PLXNB3: variants seen among roughly 807,000 people sequenced by gnomAD.
The protein encoded by PLXNB3 is plexin B3, also known as plexin-B3.
In PLXNB3, 80 loss-of-function variants were observed where a neutral mutation model predicts 125.7. The ratio of observed to expected loss-of-function variants is 0.64; its 90% CI spans 0.53 to 0.77. The LOEUF is 0.77. PLXNB3 is among the 30% of genes least tolerant of loss of function. PLXNB3 has a pLI of 0.00. For missense variants in PLXNB3, 1,836 were observed against 1,729.3 expected, an observed-to-expected ratio of 1.06 and a Z score of -1.09; for synonymous variants, 954 against 783.3, an observed-to-expected ratio of 1.22 and a Z score of -3.64.
At position 153,774,722 on chromosome X, in the gene PLXNB3, G is replaced by A. The variant is rs1557063384; in HGVS notation, c.3847G>A (p.Ala1283Thr). 2 of 1,174,847 alleles carry A rather than the reference G, an allele frequency of 1.7e-6. No homozygotes were observed. Among genetic ancestry groups the A allele is most frequent in the African/African-American group, 1.7e-5 (1 of 57,286 alleles). Reference protein sequence around the residue: ...TLMYRHKSKQALRDYQKVLVQ... With the variant: ...TLMYRHKSKQTLRDYQKVLVQ... ...GGGCTGCAGGCACAAGAGCAAGCAG[G>A]CCCTGCGGGACTACCAGAAGGTGCT... The change falls in exon 23 of 36, where the codon GCC becomes ACC. Residue 1283 changes from alanine to threonine, a missense_variant. Physicochemically the swap from Ala to Thr is moderately conservative, Grantham distance 58. Transcript: ENST00000361971.
Position 153,775,207 on chromosome X carries a change from C to T in PLXNB3, c.4156-18C>T. On this transcript the variant is annotated intron_variant, in intron 24 of 35. Transcript: ENST00000361971. ...GAGGAGTGGGGCTTCCCAGGATGAG[C>T]CTCCGACCCCTGCTCAGCTCATCCA... The T allele has an allele frequency of 8.6e-7, 1 of 1,158,986 alleles. No homozygotes were observed. The highest frequency in any genetic ancestry group is 1.2e-6 in the Non-Finnish European group (1 of 867,467).
Position 153,778,595 on chromosome X carries a change from C to A in PLXNB3, c.5551-5C>A. On this transcript the variant is annotated splice_region_variant and splice_polypyrimidine_tract_variant and intron_variant, in intron 34 of 35. Transcript: ENST00000361971. ...TCACTGCCCCCCTCCACGTGGTGCC[C>A]CCAGAACTACACTTCTGCTCCCCAC... The A allele has an allele frequency of 8.3e-7, 1 of 1,199,322 alleles. No individual in the cohort carries two copies. Among genetic ancestry groups the A allele is most frequent in the Non-Finnish European group, 1.1e-6 (1 of 887,709 alleles).
Position 153,776,106 on chromosome X carries a change from C to G in PLXNB3, c.4621C>G (p.Arg1541Gly). Residue 1541 changes from arginine to glycine, a missense_variant, in exon 27 of 36, where the codon CGG (arginine) becomes GGG (glycine). Transcript: ENST00000361971. The part of the protein sequence containing the change: ...GSSEMQRVPA[R>G]VLDTDTITQV... ...CAGCGAGATGCAGCGCGTGCCAGCC[C>G]GGGTGCTCGACACGGACACCATCAC... The G allele has an allele frequency of 8.3e-7, 1 of 1,201,725 alleles. No individual in the cohort carries two copies. The highest frequency in any genetic ancestry group is 1.1e-6 in the Non-Finnish European group (1 of 891,022).
At chrX:153,772,142 TCCCTGAG>T (rs2091938327) in intron 15 of PLXNB3, 33 bp from the exon 16 acceptor site, 43 of 881,430 alleles carry the variant, frequency 4.9e-5, no homozygotes, top group Non-Finnish European at 5.9e-5. Flanking sequence ...GTCCCCTCCG[TCCCTGAG>T]CCCTGAGCAG....
rs782496204 is a variant in PLXNB3 at position 153,769,845 on chromosome X, T to C, written c.1535T>C (p.Leu512Pro). ...RKGQCGRAGQ[L>P]NQWLWSYEED... ...GGCCAGTGCGGGCGGGCAGGCCAGC[T>C]GAACCAGTGGCTGTGGAGTTATGAG... Residue 512 changes from leucine (L) to proline (P), a missense_variant, in exon 7 of 36, where the codon CTG becomes CCG. Leu to Pro is a moderately conservative substitution (Grantham distance 98, BLOSUM62 -3). Transcript: ENST00000361971. 8.3e-7 allele frequency: 1 copy of C among 1,204,649 alleles called. No individual in the cohort carries two copies. Among genetic ancestry groups the C allele is most frequent in the African/African-American group, 1.7e-5 (1 of 57,405 alleles).
rs1557064865 is a variant in PLXNB3 at position 153,777,518 on chromosome X, T to C, written c.5101-10T>C. On this transcript the variant is annotated splice_polypyrimidine_tract_variant and intron_variant, in intron 30 of 35. Transcript: ENST00000361971. Reference sequence around the variant, plus strand: ...TGCCCTCCACACAGCCCTTATCCCCTGCCTCGCAGGGCACGCTGCAGAAGT... The same window carrying C: ...TGCCCTCCACACAGCCCTTATCCCCCGCCTCGCAGGGCACGCTGCAGAAGT... 1 of 1,210,656 alleles carries C rather than the reference T, an allele frequency of 8.3e-7. No individual in the cohort carries two copies. Among genetic ancestry groups the C allele is most frequent in the Non-Finnish European group, 1.1e-6 (1 of 894,852 alleles).
In PLXNB3 at chrX:153,778,405, GGA is replaced by G. The variant is rs782715388; in HGVS notation, c.5485_5486del (p.Asp1829HisfsTer18). ...YKQMVERYYA[D>X]IRQSSPASYQ... The stretch of plus-strand genomic sequence containing the variant: ...AAGTCTGCTCCTCCAGGTACTATGC[GGA>G]CATTCGCCAGAGCTCTCCGGCGAGC... On this transcript the variant is annotated frameshift_variant, in exon 34 of 36. Transcript: ENST00000361971. LOFTEE classifies it high-confidence loss of function. 2.5e-6 allele frequency: 3 copies of G among 1,211,496 alleles called. No homozygotes were observed. Among genetic ancestry groups the G allele is most frequent in the Non-Finnish European group, 3.4e-6 (3 of 895,419 alleles).
Position 153,771,609 on chromosome X carries a change from C to T in PLXNB3, c.2471C>T (p.Pro824Leu), listed in dbSNP as rs370781491. 1.2e-5 allele frequency: 14 copies of T among 1,204,360 alleles called. No homozygotes were observed. Among genetic ancestry groups the T allele is most frequent in the Admixed American group, 2.2e-5 (1 of 45,807 alleles). Residue 824 changes from proline (P) to leucine (L), a missense_variant, in exon 14 of 36, where the codon CCG becomes CTG. Coordinates refer to ENST00000361971, the MANE Select transcript of PLXNB3 (RefSeq NM_005393.3). ...QPACRYGPLC[P>L]PGAVELLCPA... ...GCCTGTCGCTATGGGCCCTTGTGCCCGCCGGGGGCTGTGGAGCTGCTGTGT... is the reference window on the plus strand; with the variant it reads ...GCCTGTCGCTATGGGCCCTTGTGCCTGCCGGGGGCTGTGGAGCTGCTGTGT...
rs2091974729 is a variant in PLXNB3, at chrX:153,775,419, G to C, written c.4334+16G>C. The C allele has an allele frequency of 1.7e-6, 2 of 1,199,686 alleles. No individual in the cohort carries two copies. Among genetic ancestry groups the C allele is most frequent in the African/African-American group, 3.5e-5 (2 of 57,491 alleles). ...TGCTACGCAGGTTGGCCTTGACCTG[G>C]ACCCGGTGGCGGGGGTGAGGGCTTG... On this transcript the variant is annotated intron_variant, in intron 25 of 35. Coordinates refer to ENST00000361971, the MANE Select transcript of PLXNB3 (RefSeq NM_005393.3).
intron 31 of PLXNB3, 106 bp downstream of exon 31, chrX:153,777,794 T>C: frequency 9.2e-7 from 1 of 1,083,224 alleles, no homozygotes; most frequent in Non-Finnish European, 1.2e-6. Context: ...TTCTGGAACT[T>C]ACAGGAAGAT....
In PLXNB3 at chrX:153,770,534, C is replaced by T. The variant is rs369359201; in HGVS notation, c.1902C>T (p.Arg634=). The change falls in exon 10 of 36, where the codon CGC becomes CGT. Residue 634 remains arginine, a synonymous_variant. Transcript: ENST00000361971. ...AGCCACCCTGCCCCTCTAGGTGTCG[C>T]GCTTGCGTGGGCAGCATCTGGCGGT... The part of the protein sequence containing the change: ...VQALEAAAPC[R]ACVGSIWRCH... The T allele has an allele frequency of 3.3e-6, 4 of 1,210,586 alleles. No homozygotes were observed. The highest frequency in any genetic ancestry group is 2.3e-4 in the Middle Eastern group (1 of 4,331).
In PLXNB3 at chrX:153,774,502, C is replaced by T. The variant is rs782718397; in HGVS notation, c.3761C>T (p.Ala1254Val). 7.5e-6 allele frequency: 9 copies of T among 1,207,719 alleles called. No individual in the cohort carries two copies. Among genetic ancestry groups the T allele is most frequent in the Non-Finnish European group, 1.0e-5 (9 of 893,811 alleles). ...EPPLSAFPVE[A>V]QAGVGMGAAV... Reference sequence around the variant, plus strand: ...CCGCTGTCTGCCTTTCCCGTGGAGGCCCAGGCAGGCGTGGGCATGGGTGCT... The same window carrying T: ...CCGCTGTCTGCCTTTCCCGTGGAGGTCCAGGCAGGCGTGGGCATGGGTGCT... The change falls in exon 22 of 36, where the codon GCC becomes GTC. Residue 1254 changes from alanine (A) to valine (V), a missense_variant. Physicochemically the swap from Ala to Val is moderately conservative, Grantham distance 64 (BLOSUM62 0). Coordinates refer to ENST00000361971, the MANE Select transcript of PLXNB3 (RefSeq NM_005393.3).
At chrX:153,771,170 C>A in intron 12 of PLXNB3, 89 bp downstream of exon 12, 1 of 936,488 alleles carries the variant, frequency 1.1e-6, no homozygotes, top group Non-Finnish European at 1.5e-6. Context: ...TGCTTGGGGC[C>A]CATAACCTCT....
Position 153,770,627 on chromosome X carries a change from C to G in PLXNB3, c.1995C>G (p.Ile665Met). The G allele has an allele frequency of 8.3e-7, 1 of 1,210,423 alleles. No individual in the cohort carries two copies. ...GEHCPEGERT[I>M]YSAQEVDIQV... ...ACTGCCCAGAGGGCGAGAGGACCAT[C>G]TACAGCGCCCAGGAGGTGGGTGGGC... The change falls in exon 10 of 36, where the codon ATC becomes ATG. Residue 665 changes from isoleucine to methionine, a missense_variant. Physicochemically the swap from Ile to Met is conservative, Grantham distance 10. Coordinates refer to ENST00000361971, the MANE Select transcript of PLXNB3 (RefSeq NM_005393.3).
chrX:153,767,971 T>C, intron 3 of PLXNB3, 58 bp downstream of exon 3: 1 of 1,043,214 alleles, frequency 9.6e-7, no homozygotes, highest in Non-Finnish European at 1.2e-6. Context: ...CTTTCAGCAC[T>C]GGACAGGGGT....
chrX:153,771,218 A>G (rs2091925684), intron 12 of PLXNB3, 92 bp from the exon 13 acceptor site: 2 of 937,379 alleles, frequency 2.1e-6, no homozygotes, highest in African/African-American at 3.8e-5. Flanking sequence ...GGCAGGGAAC[A>G]ATCACATTCA....
rs781960535 is a variant in PLXNB3 at position 153,776,467 on chromosome X, C to G, written c.4833+8C>G. ...ACCTTGCAACACTACAAGGTGTGAG[C>G]AGGGACGGGGCGAGGCAGGGCGGGG... is the stretch of plus-strand genomic sequence containing the variant. On this transcript the variant is annotated splice_region_variant and intron_variant, in intron 28 of 35. Coordinates refer to ENST00000361971, the MANE Select transcript of PLXNB3 (RefSeq NM_005393.3). 2.1e-6 allele frequency: 2 copies of G among 962,460 alleles called. No homozygotes were observed. The highest frequency in any genetic ancestry group is 2.7e-4 in the Middle Eastern group (1 of 3,734). The allele number at this position is 962,460 out of a possible 1,213,427, so 79.3% of individuals were successfully genotyped here.
intron 1 of PLXNB3, 47 bp downstream of exon 1, chrX:153,764,351 G>A (rs1488307299): frequency 8.9e-6 from 1 of 112,916 alleles, no homozygotes; most frequent in Non-Finnish European, 1.9e-5. Flanking sequence ...GGGGTGCAGG[G>A]GCTACCAGCC....
Position 153,773,162 on chromosome X carries a change from G to A in PLXNB3, c.2907-68G>A, listed in dbSNP as rs1469247956. On this transcript the variant is annotated intron_variant, in intron 17 of 35. Transcript: ENST00000361971. ...GGCAAAGCAGGGCTTCTCCTACGGG[G>A]GTTGGGCCAGGGCTGGGGTAGAGGG... is the stretch of plus-strand genomic sequence containing the variant. 53 of 1,107,860 alleles carry A rather than the reference G, an allele frequency of 4.8e-5. No homozygotes were observed. In the Admixed American group the frequency reaches 1.5e-3, roughly 31 times the overall value. 91.3% of individuals were successfully genotyped at this position (1,107,860 alleles called of 1,213,427 possible). A position where few individuals can be genotyped will look rare whatever the true frequency, so the allele number is the denominator to read the frequency against.
Sources: allele counts gnomAD v4.1 joint callset, GRCh38; gene constraint gnomAD v4.1.1; transcripts MANE v1.5; gene names NCBI Gene and HGNC (gene_info 2026-07-23, HGNC 2026-07-21).